Variants in TRPM8 observed in about 807,000 individuals in gnomAD.
TRPM8 encodes the protein transient receptor potential cation channel subfamily M member 8, also known as TRPM8 cationic channel.
A neutral mutation model predicts 133.7 loss-of-function variants in TRPM8; 110 were observed. The ratio of observed to expected loss-of-function variants is 0.82; its 90% CI spans 0.70 to 0.96. The LOEUF (loss-of-function observed/expected upper bound fraction) is 0.96. TRPM8 is among the 40% of genes least tolerant of loss of function. TRPM8 has a pLI of 0.00. For missense variants in TRPM8, 1,291 were observed against 1,379.5 expected, an observed-to-expected ratio of 0.94 and a Z score of 1.02; for synonymous variants, 535 against 532.3, an observed-to-expected ratio of 1.01 and a Z score of -0.07.
At chr2:233,998,705 G>T (rs17874953) in intron 22 of TRPM8, among the ~76,000 whole-genome samples, 1 of 150,272 alleles carries the variant, frequency 6.7e-6, no homozygotes, top group Non-Finnish European at 1.5e-5. Context: ...GTTAGGGTGA[G>T]CCGCCTGTGC....
intron 22 of TRPM8, among the ~76,000 whole-genome samples, chr2:233,996,978 T>C (rs1353646141): frequency 1.3e-5 from 2 of 152,186 alleles, no homozygotes; most frequent in Non-Finnish European, 2.9e-5. Context: ...GAAATAGGAA[T>C]GTGTGGCCAG....
At chr2:233,983,297 C>A (rs772363075) in intron 20 of TRPM8, 73 bp downstream of exon 20, 2 of 1,568,288 alleles carry the variant, frequency 1.3e-6, no homozygotes, top group Non-Finnish European at 1.8e-6. Flanking sequence ...CCCAGGGCTG[C>A]CCCGGAGACC....
chr2:233,938,857 A>C, intron 4 of TRPM8, 141 bp from the exon 5 acceptor site: 2 of 860,452 alleles, frequency 2.3e-6, no homozygotes, highest in East Asian at 5.4e-5. Flanking sequence ...TGGGACCCCC[A>C]ATGCCGCGAT....
intron 18 of TRPM8, among the ~76,000 whole-genome samples, chr2:233,980,741 G>A (rs1164181778): frequency 6.6e-6 from 1 of 152,158 alleles, no homozygotes; most frequent in Non-Finnish European, 1.5e-5. Context: ...CCAGTTACAA[G>A]CGTATTTCCT....
chr2:233,925,620 G>A (rs948665774), intron 1 of TRPM8, among the ~76,000 whole-genome samples: 3 of 152,164 alleles, frequency 2.0e-5, no homozygotes, highest in African/African-American at 4.8e-5. Flanking sequence ...GAGACAACGC[G>A]AGAGCCTTGG....
intron 11 of TRPM8, among the ~76,000 whole-genome samples, chr2:233,960,321 C>T (rs10188366): frequency 0.013 from 2,002 of 152,190 alleles, 41 homozygotes; most frequent in African/African-American, 0.046. Flanking sequence ...CACAGTGCAG[C>T]GTAGAGACAG....
intron 7 of TRPM8, among the ~76,000 whole-genome samples, chr2:233,946,762 G>A (rs965138433): frequency 1.3e-5 from 2 of 152,202 alleles, no homozygotes; most frequent in Admixed American, 6.5e-5. Context: ...TAGGATTATA[G>A]GAAAGCATCA....
chr2:233,992,671 G>T (rs970470113), intron 21 of TRPM8, among the ~76,000 whole-genome samples: 1 of 152,158 alleles, frequency 6.6e-6, no homozygotes, highest in East Asian at 1.9e-4. Flanking sequence ...GGGACAGGAC[G>T]CCAAGGGCAC....
Position 233,927,846 on chromosome 2 carries a change from TCC to T in TRPM8, c.117+1193_117+1194del, listed in dbSNP as rs1559516414. ...TTCCTTCCTTCCTTCCTTCCTTCCT[TCC>T]TTCCTTTCTTTCTCTTTCTTTCTTT... On this transcript the variant is annotated intron_variant, in intron 2 of 25. Coordinates refer to ENST00000324695, the MANE Select transcript of TRPM8 (RefSeq NM_024080.5). Among the ~76,000 whole-genome samples the T allele has an allele frequency of 1.7e-3, 124 of 73,266 alleles. 4 individuals are homozygous for T. The highest frequency in any genetic ancestry group is 3.1e-3 in the South Asian group (8 of 2,594). The allele number at this position is 73,266 out of a possible 152,430, so 48.1% of individuals were successfully genotyped here. A position where few individuals can be genotyped will look rare whatever the true frequency, so the allele number is the denominator to read the frequency against.
chr2:233,984,266 C>T (rs1026857583), intron 20 of TRPM8, among the ~76,000 whole-genome samples: 2 of 152,100 alleles, frequency 1.3e-5, no homozygotes, highest in Admixed American at 6.5e-5. Flanking sequence ...CCGGTGTGAC[C>T]CCACACATGC....
Position 233,953,913 on chromosome 2 carries a change from C to T in TRPM8, c.1141-4C>T. The T allele has an allele frequency of 1.2e-6, 2 of 1,609,098 alleles. No individual in the cohort carries two copies. The highest frequency in any genetic ancestry group is 1.1e-5 in the South Asian group (1 of 89,590). On this transcript the variant is annotated splice_region_variant and splice_polypyrimidine_tract_variant and intron_variant, in intron 9 of 25. Coordinates refer to ENST00000324695, the MANE Select transcript of TRPM8 (RefSeq NM_024080.5). ...GCTGACACTTTGTTCTTTAATTTCG[C>T]CAGCTCAAAGAAATTCTCGAATGTT...
intron 22 of TRPM8, among the ~76,000 whole-genome samples, chr2:234,000,091 A>ATTTATTTG (rs1553669227): frequency 7.7e-6 from 1 of 130,218 alleles, no homozygotes; most frequent in Non-Finnish European, 1.6e-5. Context: ...TGGATGATTT[A>ATTTATTTG]TTTATTTATT....
intron 24 of TRPM8, among the ~76,000 whole-genome samples, chr2:234,009,311 G>T (rs968275369): frequency 6.6e-6 from 1 of 152,122 alleles, no homozygotes; most frequent in Non-Finnish European, 1.5e-5. Flanking sequence ...TTTTTTACTC[G>T]AGTTTATTTG....
intron 17 of TRPM8, among the ~76,000 whole-genome samples, chr2:233,979,679 C>T (rs1218295717): frequency 1.3e-5 from 2 of 152,224 alleles, no homozygotes; most frequent in Non-Finnish European, 2.9e-5. Flanking sequence ...CCACATCTGT[C>T]CTCACAGAAG....
chr2:233,938,432 G>A (rs979444266), intron 4 of TRPM8, among the ~76,000 whole-genome samples: 5 of 152,212 alleles, frequency 3.3e-5, no homozygotes, highest in African/African-American at 9.7e-5. Flanking sequence ...AGGGATGCCC[G>A]TGGCACAGCC....
At chr2:233,965,676 T>C (rs941512007) in intron 14 of TRPM8, among the ~76,000 whole-genome samples, 1 of 152,180 alleles carries the variant, frequency 6.6e-6, no homozygotes, top group Non-Finnish European at 1.5e-5. Flanking sequence ...AAAAAAGATG[T>C]CTAATTATTT....
At chr2:233,919,615 C>T (rs187231676) in intron 1 of TRPM8, among the ~76,000 whole-genome samples, 2 of 151,532 alleles carry the variant, frequency 1.3e-5, no homozygotes, top group Admixed American at 1.3e-4. Context: ...CATGTAAATA[C>T]TCTTTAACGT....
At chr2:233,986,372 A>T (rs1692149697) in intron 21 of TRPM8, among the ~76,000 whole-genome samples, 1 of 152,220 alleles carries the variant, frequency 6.6e-6, no homozygotes, top group Admixed American at 6.5e-5. Context: ...GGTTGGAGGG[A>T]ATAATATTGG....
Position 233,989,793 on chromosome 2 carries a change from T to C in TRPM8, c.2939+3928T>C, listed in dbSNP as rs530176084. On this transcript the variant is annotated intron_variant, in intron 21 of 25. Transcript: ENST00000324695. This position sits in a 1 kb window ranked among gnomAD's most constrained non-coding sequence, Gnocchi z 4.2. Reference sequence around the variant, plus strand: ...CATCTGTGATTATTCTACATTAAAATTATCGATCACAGGGCCTGTGTGGCT... The same window carrying C: ...CATCTGTGATTATTCTACATTAAAACTATCGATCACAGGGCCTGTGTGGCT... Among the ~76,000 whole-genome samples the C allele has an allele frequency of 1.1e-3, 162 of 152,298 alleles. No individual in the cohort carries two copies. Among genetic ancestry groups the C allele is most frequent in the African/African-American group, 3.7e-3 (155 of 41,558 alleles).
Sources: allele counts gnomAD v4.1 joint callset (sites outside exome capture counted in the v4.1 genomes callset), GRCh38; gene constraint gnomAD v4.1.1; non-coding constraint Gnocchi (gnomAD v3.1); transcripts MANE v1.5; gene names NCBI Gene and HGNC (gene_info 2026-07-23, HGNC 2026-07-21).